Variants in USP43 observed in about 807,000 individuals in gnomAD.
USP43 encodes the protein ubiquitin carboxyl-terminal hydrolase 43.
USP43 carries 33 observed loss-of-function variants against 90.7 expected under a neutral mutation model. That is an observed-to-expected ratio of 0.36 (90% CI 0.28 to 0.49). USP43 has a LOEUF of 0.49. Ranked by LOEUF, USP43 falls within the 20% of genes least tolerant of loss-of-function variation. The pLI is 0.98. For missense variants in USP43, 1,274 were observed against 1,476.4 expected (o/e 0.86, Z 2.25); for synonymous variants, 598 against 615.8 (o/e 0.97, Z 0.43).
intron 4 of USP43, 117 bp from the exon 5 acceptor site, chr17:9,676,629 C>G: frequency 7.6e-7 from 1 of 1,322,580 alleles, no homozygotes; most frequent in Non-Finnish European, 1.0e-6. Context: ...GCTTCAGCCT[C>G]CCAAAATGCT....
In USP43 at chr17:9,693,255, T is replaced by C. The variant is rs77125770; in HGVS notation, c.1457+25T>C. The stretch of plus-strand genomic sequence containing the variant: ...GGTAAGGGGGAAGGTCCAGGTTCAG[T>C]CAGCTAATGAACCCTTTCTTATTTT... On this transcript the variant is annotated intron_variant, in intron 9 of 14. Coordinates refer to ENST00000285199, the MANE Select transcript of USP43 (RefSeq NM_153210.5). 4,379 of 1,574,876 alleles carry C rather than the reference T, an allele frequency of 2.8e-3. 86 individuals are homozygous for C. In the African/African-American group the frequency reaches 0.051, roughly 18 times the overall value.
At chr17:9,719,091 G>A (rs1220028686) in intron 14 of USP43, among the ~76,000 whole-genome samples, 1 of 152,138 alleles carries the variant, frequency 6.6e-6, no homozygotes, top group Non-Finnish European at 1.5e-5. Context: ...TCGCACCATT[G>A]CGCTCCAGCC....
chr17:9,708,972 T>C (rs1318391029), intron 12 of USP43, among the ~76,000 whole-genome samples: 2 of 151,986 alleles, frequency 1.3e-5, no homozygotes, highest in Non-Finnish European at 2.9e-5. Context: ...TTAAAAATGG[T>C]TTTTACAATT....
At chr17:9,722,798 T>C (rs1917036041) in intron 14 of USP43, among the ~76,000 whole-genome samples, 1 of 152,232 alleles carries the variant, frequency 6.6e-6, no homozygotes, top group South Asian at 2.1e-4. Flanking sequence ...TGGTCTCTTT[T>C]GCAAACTCTT....
intron 14 of USP43, among the ~76,000 whole-genome samples, chr17:9,721,025 C>T (rs976628738): frequency 6.6e-6 from 1 of 152,268 alleles, no homozygotes; most frequent in African/African-American, 2.4e-5. Context: ...CCAAAATGAA[C>T]GGATCCAAGT....
chr17:9,687,131 A>G (rs1914641469), intron 8 of USP43, among the ~76,000 whole-genome samples: 1 of 152,192 alleles, frequency 6.6e-6, no homozygotes, highest in African/African-American at 2.4e-5. Flanking sequence ...ATTACAAAAT[A>G]CCTTTCATGG....
At chr17:9,662,636 T>C (rs1012137128) in intron 2 of USP43, among the ~76,000 whole-genome samples, 1 of 152,118 alleles carries the variant, frequency 6.6e-6, no homozygotes, top group Non-Finnish European at 1.5e-5. Context: ...ATCTGTGTCC[T>C]AACCTCCAAA....
At chr17:9,694,121 A>G (rs1276542789) in intron 9 of USP43, among the ~76,000 whole-genome samples, 2 of 152,170 alleles carry the variant, frequency 1.3e-5, no homozygotes, top group African/African-American at 4.8e-5. Context: ...ACTGTCTGGC[A>G]CTTCTCTTTA....
intron 8 of USP43, among the ~76,000 whole-genome samples, chr17:9,687,981 TTTTGTTTG>T (rs1379512201): frequency 6.6e-6 from 1 of 152,174 alleles, no homozygotes; most frequent in Non-Finnish European, 1.5e-5. Context: ...ACTATGCTTT[TTTTGTTTG>T]TTTGTTTGTT....
At position 9,712,058 on chromosome 17, in the gene USP43, C is replaced by G; in HGVS notation, c.2261C>G (p.Ser754Cys). 2 of 1,612,480 alleles carry G rather than the reference C, an allele frequency of 1.2e-6. No individual in the cohort carries two copies. The highest frequency in any genetic ancestry group is 1.7e-6 in the Non-Finnish European group (2 of 1,179,088). The part of the protein sequence containing the change: ...STRGSLLSWS[S>C]APCPSLPQVP... ...AGGGGAAGCCTGCTGTCCTGGAGCT[C>G]TGCCCCCTGCCCCTCCCTGCCCCAG... Residue 754 changes from serine to cysteine, a missense_variant, in exon 14 of 15, where the codon TCT becomes TGT. Physicochemically the swap from Ser to Cys is moderately radical, Grantham distance 112. This residue lies in a region of USP43 where 285 missense variants were observed against 349.6 expected (regional missense o/e 0.82). Transcript: ENST00000285199.
rs1437830534 is a variant in USP43 at position 9,682,808 on chromosome 17, TTC to T, written c.1106-10_1106-9del. ...CCTTTAGGAATATGAACAAATGTCA[TTC>T]TCTCCCTTCTAGCTCATCCACTGGG... On this transcript the variant is annotated splice_polypyrimidine_tract_variant and intron_variant, in intron 6 of 14. Coordinates refer to ENST00000285199, the MANE Select transcript of USP43 (RefSeq NM_153210.5). 6.2e-7 allele frequency: 1 copy of T among 1,612,684 alleles called. No individual in the cohort carries two copies. The highest frequency in any genetic ancestry group is 1.7e-5 in the Admixed American group (1 of 59,908).
intron 1 of USP43, among the ~76,000 whole-genome samples, chr17:9,652,234 A>AAAAAAAAAAAAAAAAAAAAAAAAAAG (rs61023073): frequency 6.7e-6 from 1 of 149,682 alleles, no homozygotes; most frequent in African/African-American, 2.5e-5. Flanking sequence ...AAAAAAGAAA[A>AAAAAAAAAAAAAAAAAAAAAAAAAAG]GAAAAGAAAG....
chr17:9,707,550 G>A (rs1038787088), intron 12 of USP43, among the ~76,000 whole-genome samples: 8 of 151,350 alleles, frequency 5.3e-5, no homozygotes, highest in African/African-American at 9.7e-5. Flanking sequence ...GGGAGGCTGA[G>A]GCAGGAGAAT....
intron 3 of USP43, among the ~76,000 whole-genome samples, chr17:9,673,492 G>A (rs1290099931): frequency 1.3e-5 from 2 of 152,094 alleles, no homozygotes; most frequent in Non-Finnish European, 2.9e-5. Context: ...CCGGGTGACA[G>A]TGCGAGACTC....
At chr17:9,699,827 A>G (rs1050290087) in intron 9 of USP43, among the ~76,000 whole-genome samples, 5 of 152,108 alleles carry the variant, frequency 3.3e-5, no homozygotes, top group African/African-American at 9.7e-5. Context: ...AGTATTGGGT[A>G]TTTGTGTAGG....
At chr17:9,725,201 A>C in intron 14 of USP43, among the ~76,000 whole-genome samples, 1 of 151,966 alleles carries the variant, frequency 6.6e-6, no homozygotes, top group East Asian at 1.9e-4. Flanking sequence ...GGGTCCAAAA[A>C]GCACATTATG....
intron 1 of USP43, among the ~76,000 whole-genome samples, chr17:9,655,866 T>A (rs368652991): frequency 1.3e-5 from 2 of 152,202 alleles, no homozygotes; most frequent in African/African-American, 4.8e-5. Context: ...AGGAGCTACA[T>A]GCATGGTGTT....
At position 9,719,586 on chromosome 17, in the gene USP43, G is replaced by A. The variant is rs574303962; in HGVS notation, c.2335+7454G>A. 2.6e-4 allele frequency among the ~76,000 whole-genome samples: 39 copies of A among 152,322 alleles called. No individual in the cohort carries two copies. In the South Asian group the frequency reaches 7.7e-3, roughly 30 times the overall value. ...CCTAGAAAGTGGTGGGGCTGAAATA[G>A]ACCCGTTCCCTCTGGGTGCCAGGTC... is the stretch of plus-strand genomic sequence containing the variant. On this transcript the variant is annotated intron_variant, in intron 14 of 14. Transcript: ENST00000285199.
chr17:9,697,381 A>G (rs546107248), intron 9 of USP43, among the ~76,000 whole-genome samples: 6 of 151,836 alleles, frequency 4.0e-5, no homozygotes, highest in Non-Finnish European at 8.8e-5. Context: ...AGGTTTTTAC[A>G]TGGATATATC....
Sources: allele counts gnomAD v4.1 joint callset (sites outside exome capture counted in the v4.1 genomes callset), GRCh38; gene constraint gnomAD v4.1.1; regional missense constraint gnomAD v4.1.1; transcripts MANE v1.5; gene names NCBI Gene and HGNC (gene_info 2026-07-23, HGNC 2026-07-21).